Variants in C14orf39 observed in about 807,000 individuals in gnomAD.
C14orf39 encodes the protein protein SIX6OS1.
C14orf39 carries 66 observed loss-of-function variants against 85.6 expected under a neutral mutation model. The observed-to-expected ratio is 0.77, with a 90% CI of 0.63 to 0.95. C14orf39 has a LOEUF of 0.95. C14orf39 is among the 40% of genes least tolerant of loss of function. The probability of loss-of-function intolerance (pLI) is 0.00; values close to 1 mark genes in which losing one functional copy is unlikely to be tolerated. For missense variants in C14orf39, 735 were observed against 663.9 expected, an observed-to-expected ratio of 1.11 and a Z score of -1.18; for synonymous variants, 242 against 214.0, an observed-to-expected ratio of 1.13 and a Z score of -1.14.
chr14:60,463,905 T>C (rs1280860016), intron 11 of C14orf39, among the ~76,000 whole-genome samples: 17 of 152,126 alleles, frequency 1.1e-4, no homozygotes, highest in Admixed American at 1.1e-3. Context: ...TTCCCCTATT[T>C]GATTTACCTC....
intron 2 of C14orf39, among the ~76,000 whole-genome samples, chr14:60,498,831 T>A (rs1376754214): frequency 6.6e-6 from 1 of 152,174 alleles, no homozygotes; most frequent in Non-Finnish European, 1.5e-5. Flanking sequence ...TTATCACAAA[T>A]TAGTCTATTT....
Position 60,469,596 on chromosome 14 carries a change from T to A in C14orf39, c.612A>T (p.Lys204Asn). The change falls in exon 8 of 18, where the codon AAA becomes AAT. Residue 204 changes from lysine to asparagine, a missense_variant. Physicochemically the swap from Lys to Asn is moderately conservative, Grantham distance 94. Coordinates refer to ENST00000321731, the MANE Select transcript of C14orf39 (RefSeq NM_174978.3). Reference sequence around the variant, plus strand: ...CTTCTTTCTTCAATTCGGATGAACTTTTGGTAAGATTGCTGGCATGTTTAA... The same window carrying A: ...CTTCTTTCTTCAATTCGGATGAACTATTGGTAAGATTGCTGGCATGTTTAA... ...DILKHASNLT[K>N]SSSELKKEVD... The A allele has an allele frequency of 6.6e-7, 1 of 1,522,904 alleles. No homozygotes were observed. Among genetic ancestry groups the A allele is most frequent in the Non-Finnish European group, 8.9e-7 (1 of 1,127,916 alleles). The allele number at this position is 1,522,904 out of a possible 1,614,324, so 94.3% of individuals were successfully genotyped here. A position where few individuals can be genotyped will look rare whatever the true frequency, so the allele number is the denominator to read the frequency against.
intron 1 of C14orf39, among the ~76,000 whole-genome samples, chr14:60,503,169 C>T (rs1035806487): frequency 2.0e-5 from 3 of 152,142 alleles, no homozygotes; most frequent in Non-Finnish European, 2.9e-5. Flanking sequence ...ACACAGTGTG[C>T]TGACTCAGAG....
chr14:60,444,197 C>G (rs1451630408), intron 16 of C14orf39, among the ~76,000 whole-genome samples: 1 of 152,196 alleles, frequency 6.6e-6, no homozygotes, highest in Non-Finnish European at 1.5e-5. Context: ...CAGAAAATGA[C>G]TTTGACGAGT....
At chr14:60,443,213 C>T (rs1890605835) in intron 16 of C14orf39, among the ~76,000 whole-genome samples, 1 of 152,152 alleles carries the variant, frequency 6.6e-6, no homozygotes, top group Admixed American at 6.5e-5. Context: ...TGCAGCAGGG[C>T]AGGGCGTCCC....
Position 60,456,938 on chromosome 14 carries a change from G to A in C14orf39, c.1337C>T (p.Pro446Leu), listed in dbSNP as rs772204669. Residue 446 changes from proline (P) to leucine (L), a missense_variant, in exon 15 of 18, where the codon CCT becomes CTT. Transcript: ENST00000321731. The stretch of plus-strand genomic sequence containing the variant: ...CTACATTTCGAACGGGGGGGTTTTA[G>A]GGAATTTTATTTTCTCCAATGACTC... Reference protein sequence around the residue: ...APESLEKIKFPKTPPFEINRN... With the variant: ...APESLEKIKFLKTPPFEINRN... 6.3e-7 allele frequency: 1 copy of A among 1,575,658 alleles called. No homozygotes were observed. Among genetic ancestry groups the A allele is most frequent in the South Asian group, 1.2e-5 (1 of 83,912 alleles).
rs1476027631 is a variant in C14orf39, at chr14:60,474,931, G to C, written c.324-3192C>G. ...CTGGCCTCATAAAATGAGTTAGGGA[G>C]GATTCCCTCTTTTTCTATTGATTGG... On this transcript the variant is annotated intron_variant, in intron 5 of 17. Coordinates refer to ENST00000321731, the MANE Select transcript of C14orf39 (RefSeq NM_174978.3). 3.3e-5 allele frequency among the ~76,000 whole-genome samples: 5 copies of C among 152,254 alleles called. No homozygotes were observed. The East Asian group carries it at 9.6e-4, about 29-fold the overall frequency.
chr14:60,504,298 T>C (rs1244610139), intron 1 of C14orf39, among the ~76,000 whole-genome samples: 1 of 152,280 alleles, frequency 6.6e-6, no homozygotes, highest in East Asian at 1.9e-4. Flanking sequence ...TTTGACTTTA[T>C]AGTACTTAGA....
intron 13 of C14orf39, among the ~76,000 whole-genome samples, chr14:60,459,544 G>A (rs1392661060): frequency 6.6e-6 from 1 of 151,552 alleles, no homozygotes. Flanking sequence ...AAAATGATTA[G>A]CTCCAATTAT....
intron 1 of C14orf39, chr14:60,510,982 G>A (rs1893282322): frequency 3.2e-6 from 4 of 1,253,752 alleles, no homozygotes; most frequent in Non-Finnish European, 3.4e-6. Context: ...GTCTTCGGAA[G>A]AACCTCTAGC....
At chr14:60,513,378 G>A (rs1030642725) in intron 1 of C14orf39, among the ~76,000 whole-genome samples, 1 of 152,178 alleles carries the variant, frequency 6.6e-6, no homozygotes, top group Non-Finnish European at 1.5e-5. Context: ...GGACTAGAGT[G>A]AGGCCAGGAG....
rs138382013 is a variant in C14orf39, at chr14:60,468,680, A to C, written c.676-144T>G. 1.0e-3 allele frequency: 443 copies of C among 433,690 alleles called. 2 individuals are homozygous for C. Among genetic ancestry groups the C allele is most frequent in the African/African-American group, 7.6e-3 (368 of 48,672 alleles). 26.9% of individuals were successfully genotyped at this position (433,690 alleles called of 1,614,324 possible). On this transcript the variant is annotated intron_variant, in intron 8 of 17. Coordinates refer to ENST00000321731, the MANE Select transcript of C14orf39 (RefSeq NM_174978.3). ...ACTATCTTCTATTTACAGTTATTAA[A>C]ACAAAAACAAAATTAACAATAAATC...
chr14:60,497,203 T>A (rs963888060), intron 2 of C14orf39, among the ~76,000 whole-genome samples: 1 of 152,214 alleles, frequency 6.6e-6, no homozygotes, highest in African/African-American at 2.4e-5. Flanking sequence ...TTTAATAACC[T>A]CCTTCTCATT....
intron 16 of C14orf39, among the ~76,000 whole-genome samples, chr14:60,449,323 T>C (rs905507775): frequency 1.3e-5 from 2 of 152,224 alleles, no homozygotes; most frequent in Non-Finnish European, 2.9e-5. Flanking sequence ...CAGAAATATA[T>C]TGTTAACATT....
At chr14:60,455,173 T>A in intron 15 of C14orf39, 28 bp from the exon 16 acceptor site, 1 of 1,482,672 alleles carries the variant, frequency 6.7e-7, no homozygotes, top group Non-Finnish European at 9.1e-7. Flanking sequence ...ATCAAAATGT[T>A]AAAAATCTAT....
At chr14:60,466,685 CT>C (rs933153664) in intron 10 of C14orf39, among the ~76,000 whole-genome samples, 5 of 151,774 alleles carry the variant, frequency 3.3e-5, no homozygotes, top group South Asian at 2.1e-4. Flanking sequence ...GGCCAGAACA[CT>C]TTTTTTGAAA....
intron 4 of C14orf39, among the ~76,000 whole-genome samples, chr14:60,480,087 A>G (rs746330073): frequency 1.5e-4 from 23 of 152,182 alleles, no homozygotes; most frequent in Non-Finnish European, 2.9e-4. Flanking sequence ...TAAAACCAAA[A>G]TAAGATATTA....
rs1315708072 is a variant in C14orf39 at position 60,509,874 on chromosome 14, G to A, written c.-144+5521C>T. ...CCATACCCTAACCCCAGCAAAAAAC[G>A]TGAGCTCGCCCAGGCAACCGGACTG... On this transcript the variant is annotated intron_variant, in intron 1 of 5. Transcript: ENST00000556799. 6.2e-7 allele frequency: 1 copy of A among 1,613,622 alleles called. No individual in the cohort carries two copies. Among genetic ancestry groups the A allele is most frequent in the South Asian group, 1.1e-5 (1 of 90,998 alleles).
chr14:60,475,814 A>G (rs1312432025), intron 5 of C14orf39, among the ~76,000 whole-genome samples: 2 of 152,272 alleles, frequency 1.3e-5, no homozygotes. Flanking sequence ...ATTCTTATCA[A>G]ATACTTAGTT....
Sources: allele counts gnomAD v4.1 joint callset (sites outside exome capture counted in the v4.1 genomes callset), GRCh38; gene constraint gnomAD v4.1.1; transcripts MANE v1.5; gene names NCBI Gene and HGNC (gene_info 2026-07-23, HGNC 2026-07-21).